Variants in SMOC2 observed in about 807,000 individuals in gnomAD.
SMOC2 encodes SPARC related modular calcium binding 2.
In SMOC2, 39 loss-of-function variants were observed where a neutral mutation model predicts 61.4. The ratio of observed to expected loss-of-function variants is 0.64; its 90% confidence interval spans 0.49 to 0.83. The LOEUF is 0.83. Among genes scored for constraint, SMOC2 ranks in the 40% least tolerant of loss-of-function variants. The pLI is 0.00. For missense variants in SMOC2, 556 were observed against 592.9 expected, an observed-to-expected ratio of 0.94 and a Z score of 0.65; for synonymous variants, 247 against 239.9, an observed-to-expected ratio of 1.03 and a Z score of -0.27.
rs1167753418 is a variant in SMOC2, at chr6:168,513,530, C to T, written c.256+3444C>T. On this transcript the variant is annotated intron_variant, in intron 2 of 12. Coordinates refer to ENST00000356284, the MANE Select transcript of SMOC2 (RefSeq NM_001166412.2). ...AGACACTCACATAAACACACACAAA[C>T]TTAGTTTATTCAAGTGGACAACTGA... 2.0e-5 allele frequency among the ~76,000 whole-genome samples: 3 copies of T among 151,996 alleles called. No homozygotes were observed. The East Asian group carries it at 5.8e-4, about 29-fold the overall frequency.
chr6:168,556,368 C>T (rs1440776894), intron 7 of SMOC2, among the ~76,000 whole-genome samples: 2 of 152,224 alleles, frequency 1.3e-5, no homozygotes, highest in Middle Eastern at 3.4e-3. Flanking sequence ...AAGGGGAGTC[C>T]GGCTCTGCAC....
At chr6:168,448,010 C>T (rs186101601) in intron 1 of SMOC2, among the ~76,000 whole-genome samples, 1 of 152,266 alleles carries the variant, frequency 6.6e-6, no homozygotes, top group Admixed American at 6.5e-5. Flanking sequence ...GGGACATTGA[C>T]TCCTGAAGGC....
chr6:168,522,909 G>C (rs1783362922), intron 2 of SMOC2, among the ~76,000 whole-genome samples: 1 of 152,056 alleles, frequency 6.6e-6, no homozygotes, highest in Admixed American at 6.6e-5. Flanking sequence ...AGGTGAGGGG[G>C]AAATGGGGAA....
chr6:168,577,308 G>A (rs1012904626), intron 7 of SMOC2, among the ~76,000 whole-genome samples: 33 of 149,926 alleles, frequency 2.2e-4, no homozygotes, highest in African/African-American at 6.4e-4. Context: ...GCTCTCTCTC[G>A]TCTCATCTCT....
chr6:168,491,513 T>C (rs1782470966), intron 1 of SMOC2, among the ~76,000 whole-genome samples: 1 of 152,126 alleles, frequency 6.6e-6, no homozygotes, highest in Non-Finnish European at 1.5e-5. Flanking sequence ...AAATAAGTAT[T>C]TGGGATCAAT....
chr6:168,619,689 C>T (rs902241390), intron 9 of SMOC2, among the ~76,000 whole-genome samples: 1 of 152,154 alleles, frequency 6.6e-6, no homozygotes, highest in East Asian at 1.9e-4. Context: ...TCCCGTTTGC[C>T]GCTGACTCAG....
At chr6:168,549,377 A>G (rs1479270153) in intron 7 of SMOC2, among the ~76,000 whole-genome samples, 174 bp downstream of exon 7, 1 of 152,190 alleles carries the variant, frequency 6.6e-6, no homozygotes, top group Non-Finnish European at 1.5e-5. Context: ...CCCCAAAATA[A>G]TAACCTCTTG....
chr6:168,520,793 A>C (rs1051456981), intron 2 of SMOC2, among the ~76,000 whole-genome samples: 1 of 152,196 alleles, frequency 6.6e-6, no homozygotes, highest in African/African-American at 2.4e-5. Context: ...TAGTGTGTTT[A>C]TGTTATTCGA....
intron 6 of SMOC2, among the ~76,000 whole-genome samples, chr6:168,548,641 A>G (rs746464647): frequency 1.3e-5 from 2 of 151,984 alleles, no homozygotes; most frequent in Non-Finnish European, 1.5e-5. Flanking sequence ...GCTGGGATTA[A>G]CAGGTGTGAG....
At chr6:168,651,459 C>T (rs183578182) in intron 10 of SMOC2, among the ~76,000 whole-genome samples, 10 of 152,220 alleles carry the variant, frequency 6.6e-5, no homozygotes, top group Non-Finnish European at 7.4e-5. Context: ...GGTTTTACTG[C>T]GATGGCATCT....
intron 1 of SMOC2, among the ~76,000 whole-genome samples, chr6:168,456,194 T>C (rs530050174): frequency 2.6e-5 from 4 of 152,216 alleles, no homozygotes; most frequent in African/African-American, 9.6e-5. Flanking sequence ...AATTGCTAGA[T>C]AGTTTAAAAG....
intron 7 of SMOC2, among the ~76,000 whole-genome samples, chr6:168,562,558 C>T (rs1490129082): frequency 6.6e-6 from 1 of 151,994 alleles, no homozygotes; most frequent in Non-Finnish European, 1.5e-5. Context: ...GTACTGTTTT[C>T]CTCTTTACAT....
At chr6:168,538,136 G>T (rs1367525729) in intron 4 of SMOC2, among the ~76,000 whole-genome samples, 2 of 149,394 alleles carry the variant, frequency 1.3e-5, no homozygotes, top group Non-Finnish European at 1.5e-5. Context: ...ACCGCTGCTG[G>T]AATCTGGGGT....
chr6:168,528,321 A>G (rs1445844670), intron 4 of SMOC2, among the ~76,000 whole-genome samples: 1 of 129,200 alleles, frequency 7.7e-6, no homozygotes. Flanking sequence ...TTTTTATTTG[A>G]AAATAATCTG....
chr6:168,513,114 A>C (rs2115055440), intron 2 of SMOC2, among the ~76,000 whole-genome samples: 1 of 152,398 alleles, frequency 6.6e-6, no homozygotes, highest in South Asian at 2.1e-4. Context: ...TATTTACATT[A>C]AAACACACAT....
rs376229623 is a variant in SMOC2 at position 168,453,583 on chromosome 6, GCT to G, written c.84+12138_84+12139del. Among the ~76,000 whole-genome samples the G allele has an allele frequency of 7.4e-5, 11 of 149,530 alleles. No homozygotes were observed. Among genetic ancestry groups the G allele is most frequent in the South Asian group, 2.2e-4 (1 of 4,642 alleles). On this transcript the variant is annotated intron_variant, in intron 1 of 12. Transcript: ENST00000356284. This position sits in a 1 kb window ranked among gnomAD's most constrained non-coding sequence, Gnocchi z 4.4. The stretch of plus-strand genomic sequence containing the variant: ...CTGATTCTCTCAGTCTCTGCCATTT[GCT>G]CTCTCTCTTTCTGTCTGTCTCTGTT...
chr6:168,620,648 G>C (rs376665777), intron 9 of SMOC2, among the ~76,000 whole-genome samples: 2 of 152,176 alleles, frequency 1.3e-5, no homozygotes, highest in Non-Finnish European at 1.5e-5. Flanking sequence ...CACCCTTTGA[G>C]TCAGGGAACC....
chr6:168,478,718 A>C (rs1254459839), intron 1 of SMOC2, among the ~76,000 whole-genome samples: 3 of 152,200 alleles, frequency 2.0e-5, no homozygotes, highest in Non-Finnish European at 4.4e-5. Flanking sequence ...TGTCTCAGGG[A>C]AAGGAGTCAG....
At chr6:168,657,958 A>G (rs372358918) in intron 11 of SMOC2, among the ~76,000 whole-genome samples, 1 of 152,194 alleles carries the variant, frequency 6.6e-6, no homozygotes, top group South Asian at 2.1e-4. Flanking sequence ...CCTTCAGACC[A>G]TAACAGGCTG....
Sources: gnomAD v4.1 joint callset for allele counts (sites outside exome capture counted in the v4.1 genomes callset) on GRCh38, gnomAD v4.1.1 for gene constraint, Gnocchi (gnomAD v3.1) non-coding constraint, MANE v1.5 for transcripts, NCBI Gene and HGNC (gene_info 2026-07-23, HGNC 2026-07-21) for gene names.